Variants in GPR176 observed in about 807,000 individuals in gnomAD.
GPR176 encodes G-protein coupled receptor 176.
In GPR176, 26 loss-of-function variants were observed where a neutral mutation model predicts 35.4. The ratio of observed to expected loss-of-function variants is 0.74; its 90% CI spans 0.54 to 1.02. The LOEUF (loss-of-function observed/expected upper bound fraction) is 1.02. GPR176 is among the 50% of genes least tolerant of loss of function. The pLI is 0.00. For synonymous variants in GPR176, 278 were observed against 271.3 expected, an observed-to-expected ratio of 1.02 and a Z score of -0.24; for missense variants, 597 against 665.3, an observed-to-expected ratio of 0.90 and a Z score of 1.13.
At chr15:39,858,868 T>C (rs1425874173) in intron 1 of GPR176, among the ~76,000 whole-genome samples, 1 of 152,076 alleles carries the variant, frequency 6.6e-6, no homozygotes, top group Non-Finnish European at 1.5e-5. Context: ...TGCCTCAGAC[T>C]CCTGAGTAGC....
intron 1 of GPR176, among the ~76,000 whole-genome samples, chr15:39,881,538 A>G (rs1461966690): frequency 6.6e-6 from 1 of 152,244 alleles, no homozygotes; most frequent in Non-Finnish European, 1.5e-5. Flanking sequence ...GATTTTTCAC[A>G]GCAATGCGGT....
chr15:39,832,730 G>T (rs1429498200), intron 1 of GPR176, among the ~76,000 whole-genome samples: 1 of 150,836 alleles, frequency 6.6e-6, no homozygotes, highest in East Asian at 1.9e-4. Context: ...ATTTGTGTTG[G>T]GCTACATTCA....
intron 1 of GPR176, chr15:39,807,602 T>C (rs1325377593): frequency 1.5e-6 from 2 of 1,309,474 alleles, no homozygotes; most frequent in Non-Finnish European, 2.1e-6. Context: ...TCAAGTTTTC[T>C]AGTGACCTCC....
At chr15:39,905,024 C>T (rs1031797858) in intron 1 of GPR176, among the ~76,000 whole-genome samples, 1 of 152,178 alleles carries the variant, frequency 6.6e-6, no homozygotes, top group African/African-American at 2.4e-5. Flanking sequence ...CCTCCTCCAG[C>T]CCCTACAACC....
intron 1 of GPR176, among the ~76,000 whole-genome samples, chr15:39,849,207 T>C (rs1267521738): frequency 1.3e-5 from 2 of 152,092 alleles, no homozygotes; most frequent in Non-Finnish European, 2.9e-5. Context: ...AATTTGACTA[T>C]TCCTTAAAAA....
chr15:39,888,343 C>T (rs535784214), intron 1 of GPR176, among the ~76,000 whole-genome samples: 7 of 151,992 alleles, frequency 4.6e-5, no homozygotes, highest in Non-Finnish European at 7.4e-5. Context: ...TGGAGTGTAG[C>T]GACATGATCA....
Position 39,868,954 on chromosome 15 carries a change from G to A in GPR176, c.172+50901C>T, listed in dbSNP as rs80351865. Among the ~76,000 whole-genome samples, 569 of 150,914 alleles carry A rather than the reference G, an allele frequency of 3.8e-3. 20 individuals carry two copies. In the East Asian group the frequency reaches 0.094, roughly 25 times the overall value. On this transcript the variant is annotated intron_variant, in intron 1 of 2. Coordinates refer to ENST00000561100, the MANE Select transcript of GPR176 (RefSeq NM_007223.3). ...AATGGGAAATGGGCTTGCTAGTGAA[G>A]TAAGAAATCCCCCAAATACAGCCTA...
chr15:39,877,281 G>A (rs890913758), intron 1 of GPR176, among the ~76,000 whole-genome samples: 8 of 152,090 alleles, frequency 5.3e-5, no homozygotes, highest in African/African-American at 1.9e-4. Flanking sequence ...GCTAAGAGGA[G>A]AATAAGTTTC....
chr15:39,894,961 G>T, intron 1 of GPR176, among the ~76,000 whole-genome samples: 1 of 152,266 alleles, frequency 6.6e-6, no homozygotes, highest in Non-Finnish European at 1.5e-5. Context: ...GAGTGAACGA[G>T]ACTCCGTCTG....
chr15:39,858,484 G>A (rs994235050), intron 1 of GPR176, among the ~76,000 whole-genome samples: 3 of 152,114 alleles, frequency 2.0e-5, no homozygotes, highest in African/African-American at 7.2e-5. Flanking sequence ...GGGAGGCCAA[G>A]GAGGGAGAAT....
chr15:39,883,820 T>C (rs975615470), intron 1 of GPR176, among the ~76,000 whole-genome samples: 2 of 152,048 alleles, frequency 1.3e-5, no homozygotes, highest in Non-Finnish European at 2.9e-5. Context: ...TCTATTTTTC[T>C]TACATATAAC....
chr15:39,914,499 G>A (rs1244578235), intron 1 of GPR176, among the ~76,000 whole-genome samples: 1 of 151,956 alleles, frequency 6.6e-6, no homozygotes, highest in Non-Finnish European at 1.5e-5. Flanking sequence ...TTTTTTACTA[G>A]AGACAGGGTT....
intron 1 of GPR176, among the ~76,000 whole-genome samples, chr15:39,887,514 G>A (rs1290444389): frequency 1.3e-5 from 2 of 151,108 alleles, no homozygotes; most frequent in Non-Finnish European, 2.9e-5. Flanking sequence ...TCATCCAACA[G>A]GTGAAAAACA....
At chr15:39,856,446 T>TG (rs1425137101) in intron 1 of GPR176, among the ~76,000 whole-genome samples, 1 of 152,172 alleles carries the variant, frequency 6.6e-6, no homozygotes, top group African/African-American at 2.4e-5. Flanking sequence ...CAAGAGTAGT[T>TG]GGGCTGGTGG....
intron 1 of GPR176, among the ~76,000 whole-genome samples, chr15:39,892,215 A>G (rs1661775090): frequency 6.6e-6 from 1 of 152,236 alleles, no homozygotes; most frequent in Admixed American, 6.5e-5. Context: ...AGAGAAAAAA[A>G]GTAAGATTCA....
intron 1 of GPR176, among the ~76,000 whole-genome samples, chr15:39,819,507 T>A (rs1362873486): frequency 6.6e-6 from 1 of 152,236 alleles, no homozygotes; most frequent in South Asian, 2.1e-4. Context: ...AACAGCATCA[T>A]CATTTTTTCC....
chr15:39,811,201 A>AT (rs199819648), intron 1 of GPR176, among the ~76,000 whole-genome samples: 1,963 of 148,992 alleles, frequency 0.013, 54 homozygotes, highest in African/African-American at 0.046. Flanking sequence ...TTTAATTTTA[A>AT]TTTTTTTTTT....
At chr15:39,823,339 C>T (rs1900403652) in intron 1 of GPR176, among the ~76,000 whole-genome samples, 1 of 152,086 alleles carries the variant, frequency 6.6e-6, no homozygotes, top group Non-Finnish European at 1.5e-5. Context: ...TGACCTTTCC[C>T]AAAACTCTTC....
chr15:39,919,745 C>T, intron 1 of GPR176, 110 bp downstream of exon 1: 1 of 796,762 alleles, frequency 1.3e-6, no homozygotes, highest in Non-Finnish European at 1.8e-6. Context: ...CAACTCTCTG[C>T]ACTTTGCCAG....
Sources: gnomAD v4.1 joint callset for allele counts (sites outside exome capture counted in the v4.1 genomes callset) on GRCh38, gnomAD v4.1.1 for gene constraint, MANE v1.5 for transcripts, NCBI Gene and HGNC (gene_info 2026-07-23, HGNC 2026-07-21) for gene names.